Variants in CNTNAP2 observed in about 807,000 individuals in gnomAD.
The protein encoded by CNTNAP2 is contactin-associated protein-like 2.
A neutral mutation model predicts 155.2 loss-of-function variants in CNTNAP2; 98 were observed. That is an observed-to-expected ratio of 0.63 (90% CI 0.54 to 0.75). The LOEUF (loss-of-function observed/expected upper bound fraction) is 0.75, where lower values mean the gene tolerates loss of function less well. Among genes scored for constraint, CNTNAP2 ranks in the 30% least tolerant of loss-of-function variants. The probability of loss-of-function intolerance (pLI) is 0.00; values close to 1 mark genes in which losing one functional copy is unlikely to be tolerated. For missense variants in CNTNAP2, 1,727 were observed against 1,688.1 expected (o/e 1.02, Z -0.40); for synonymous variants, 651 against 631.2 (o/e 1.03, Z -0.47).
intron 15 of CNTNAP2, among the ~76,000 whole-genome samples, chr7:147,997,686 T>C (rs1801828308): frequency 6.6e-6 from 1 of 150,614 alleles, no homozygotes; most frequent in African/African-American, 2.5e-5. Context: ...GAGAGAGGAG[T>C]CAGGGTGGGC....
intron 18 of CNTNAP2, among the ~76,000 whole-genome samples, chr7:148,195,947 C>T (rs779174287): frequency 6.6e-6 from 1 of 152,194 alleles, no homozygotes; most frequent in Non-Finnish European, 1.5e-5. Flanking sequence ...ATGCATTCTA[C>T]TGACCTGCAA....
chr7:147,640,373 G>A lies in CNTNAP2; in HGVS notation c.2098+1067G>A, dbSNP rs552366043. ...GTTTCCAGCGACTTTTTCTGTCAAG[G>A]AGAAATTATAATGCCTACTTCAGGG... On this transcript the variant is annotated intron_variant, in intron 13 of 23. Transcript: ENST00000361727. Among the ~76,000 whole-genome samples, 67 of 152,056 alleles carry A rather than the reference G, an allele frequency of 4.4e-4. 1 individual carries two copies. Among genetic ancestry groups the A allele is most frequent in the Non-Finnish European group, 8.4e-4 (57 of 67,996 alleles).
chr7:147,259,262 A>G (rs1804401721), intron 8 of CNTNAP2, among the ~76,000 whole-genome samples: 1 of 152,204 alleles, frequency 6.6e-6, no homozygotes, highest in Non-Finnish European at 1.5e-5. Context: ...GTTAAAATGT[A>G]TAAAATCATG....
intron 13 of CNTNAP2, among the ~76,000 whole-genome samples, chr7:147,878,713 TG>T (rs1313634480): frequency 6.6e-6 from 1 of 152,196 alleles, no homozygotes; most frequent in Non-Finnish European, 1.5e-5. Context: ...GATTTCATTC[TG>T]GAAAGAATAA....
intron 1 of CNTNAP2, among the ~76,000 whole-genome samples, chr7:146,341,338 C>T (rs1461806661): frequency 1.3e-5 from 2 of 151,970 alleles, no homozygotes; most frequent in African/African-American, 4.8e-5. Flanking sequence ...CTACATATCT[C>T]GAATCAAATT....
intron 13 of CNTNAP2, among the ~76,000 whole-genome samples, chr7:147,803,079 G>A (rs1478307184): frequency 6.6e-6 from 1 of 152,152 alleles, no homozygotes; most frequent in Non-Finnish European, 1.5e-5. Flanking sequence ...AATGGCTTTA[G>A]AGGAAAAGTA....
At chr7:146,842,675 G>C (rs187722895) in intron 3 of CNTNAP2, among the ~76,000 whole-genome samples, 1 of 152,108 alleles carries the variant, frequency 6.6e-6, no homozygotes, top group Non-Finnish European at 1.5e-5. Context: ...GAAAGAGACG[G>C]GGGTGTCACA....
At chr7:146,251,044 C>G (rs1284869644) in intron 1 of CNTNAP2, among the ~76,000 whole-genome samples, 1 of 151,840 alleles carries the variant, frequency 6.6e-6, no homozygotes, top group Non-Finnish European at 1.5e-5. Flanking sequence ...GTTAATAGAC[C>G]CTTTCTTATA....
chr7:147,501,788 C>G (rs927186472), intron 11 of CNTNAP2, among the ~76,000 whole-genome samples: 3 of 152,074 alleles, frequency 2.0e-5, no homozygotes, highest in African/African-American at 7.2e-5. Flanking sequence ...GTATGTGACC[C>G]CATGGTAAAT....
intron 9 of CNTNAP2, among the ~76,000 whole-genome samples, chr7:147,318,428 TTTTG>T (rs982830756): frequency 1.1e-4 from 16 of 152,194 alleles, no homozygotes; most frequent in South Asian, 4.1e-4. Flanking sequence ...AGCAACCCTC[TTTTG>T]TTTGTTTGTT....
At chr7:146,138,644 A>C (rs1486645796) in intron 1 of CNTNAP2, among the ~76,000 whole-genome samples, 1 of 152,032 alleles carries the variant, frequency 6.6e-6, no homozygotes, top group Non-Finnish European at 1.5e-5. Context: ...TTGATCCTCT[A>C]TATCTCTAAG....
chr7:147,180,120 G>A (rs1375568259), intron 8 of CNTNAP2, among the ~76,000 whole-genome samples: 1 of 152,106 alleles, frequency 6.6e-6, no homozygotes, highest in Non-Finnish European at 1.5e-5. Context: ...TAAGGGACCA[G>A]GAAGGTGCAC....
At chr7:146,975,497 G>C (rs1041472575) in intron 3 of CNTNAP2, among the ~76,000 whole-genome samples, 2 of 151,972 alleles carry the variant, frequency 1.3e-5, no homozygotes, top group Non-Finnish European at 2.9e-5. Context: ...AAAAATAGTG[G>C]CTCATGTTTC....
At chr7:146,509,135 A>G (rs779567574) in intron 1 of CNTNAP2, among the ~76,000 whole-genome samples, 2 of 152,208 alleles carry the variant, frequency 1.3e-5, no homozygotes, top group Non-Finnish European at 2.9e-5. Flanking sequence ...ATTCGGATCA[A>G]ACATAGCCTG....
intron 1 of CNTNAP2, among the ~76,000 whole-genome samples, chr7:146,299,529 T>A (rs1398998222): frequency 6.6e-6 from 1 of 152,144 alleles, no homozygotes; most frequent in South Asian, 2.1e-4. Flanking sequence ...ACTAAAGGCA[T>A]GGGCCACCAT....
chr7:146,653,336 A>G (rs188553025), intron 1 of CNTNAP2, among the ~76,000 whole-genome samples: 30 of 152,150 alleles, frequency 2.0e-4, no homozygotes, highest in Admixed American at 5.9e-4. Context: ...ATCAATGTTT[A>G]TAGGGCCTTT....
chr7:146,235,952 A>ATT (rs1554405740), intron 1 of CNTNAP2, among the ~76,000 whole-genome samples: 1 of 149,406 alleles, frequency 6.7e-6, no homozygotes, highest in Non-Finnish European at 1.5e-5. Context: ...ACATATGGAA[A>ATT]TGTGTGTGTG....
Position 147,837,244 on chromosome 7 carries a change from C to T in CNTNAP2, c.2099-66321C>T, listed in dbSNP as rs1193202476. 2.0e-5 allele frequency among the ~76,000 whole-genome samples: 3 copies of T among 152,188 alleles called. No individual in the cohort carries two copies. In the East Asian group the frequency reaches 5.8e-4, roughly 29 times the overall value. ...ATGGCAGAAGGTGAAAGTCACGTCT[C>T]ACATGGTGGCAGACAAGAGAAGAGA... On this transcript the variant is annotated intron_variant, in intron 13 of 23. Coordinates refer to ENST00000361727, the MANE Select transcript of CNTNAP2 (RefSeq NM_014141.6).
chr7:146,867,791 T>TC (rs1795234733), intron 3 of CNTNAP2, among the ~76,000 whole-genome samples: 1 of 152,028 alleles, frequency 6.6e-6, no homozygotes, highest in Non-Finnish European at 1.5e-5. Flanking sequence ...CTTTTTTTTT[T>TC]CATATGCTCG....
Sources: gnomAD v4.1 joint callset for allele counts (sites outside exome capture counted in the v4.1 genomes callset) on GRCh38, gnomAD v4.1.1 for gene constraint, MANE v1.5 for transcripts, NCBI Gene and HGNC (gene_info 2026-07-23, HGNC 2026-07-21) for gene names.